Variants in KCNH7 observed in about 807,000 individuals in gnomAD.
The protein encoded by KCNH7 is voltage-gated inwardly rectifying potassium channel KCNH7.
In KCNH7, 49 loss-of-function variants were observed where a neutral mutation model predicts 120.8. The ratio of observed to expected loss-of-function variants is 0.41; its 90% CI spans 0.32 to 0.51. The LOEUF is 0.51. KCNH7 is among the 20% of genes least tolerant of loss of function. KCNH7 has a pLI of 0.38. For missense variants in KCNH7, 1,097 were observed against 1,446.6 expected, an observed-to-expected ratio of 0.76 and a Z score of 3.92; for synonymous variants, 547 against 516.1, an observed-to-expected ratio of 1.06 and a Z score of -0.81.
intron 6 of KCNH7, among the ~76,000 whole-genome samples, chr2:162,493,622 T>C (rs888174840): frequency 3.3e-5 from 5 of 152,204 alleles, no homozygotes; most frequent in African/African-American, 4.8e-5. Flanking sequence ...CTAACTATGC[T>C]GGAGTCAGAT....
At chr2:162,456,391 TC>T (rs1328908018) in intron 6 of KCNH7, among the ~76,000 whole-genome samples, 2 of 152,138 alleles carry the variant, frequency 1.3e-5, no homozygotes, top group African/African-American at 2.4e-5. Context: ...TAATTTCCAT[TC>T]TTTTGCATTT....
chr2:162,588,262 T>C (rs1481248564), intron 2 of KCNH7, among the ~76,000 whole-genome samples: 1 of 152,086 alleles, frequency 6.6e-6, no homozygotes, highest in Non-Finnish European at 1.5e-5. Context: ...AAATCTTTCT[T>C]TGGTTATTTT....
intron 2 of KCNH7, among the ~76,000 whole-genome samples, chr2:162,569,658 T>A (rs1693392218): frequency 6.6e-6 from 1 of 151,636 alleles, no homozygotes; most frequent in African/African-American, 2.4e-5. Flanking sequence ...CTTTCTCTTG[T>A]GGGCATTTAG....
chr2:162,798,699 T>A (rs1434494316), intron 2 of KCNH7, among the ~76,000 whole-genome samples: 1 of 152,094 alleles, frequency 6.6e-6, no homozygotes, highest in African/African-American at 2.4e-5. Flanking sequence ...AAAATGTTTT[T>A]TAAAATATTG....
At chr2:162,607,002 T>A (rs1441300882) in intron 2 of KCNH7, among the ~76,000 whole-genome samples, 1 of 152,094 alleles carries the variant, frequency 6.6e-6, no homozygotes, top group African/African-American at 2.4e-5. Context: ...ACATATTGAC[T>A]TGGACTAATG....
chr2:162,440,349 A>G (rs1688381039), intron 7 of KCNH7, among the ~76,000 whole-genome samples: 1 of 151,950 alleles, frequency 6.6e-6, no homozygotes. Context: ...TTTTGTCAAT[A>G]AATATTTGGG....
chr2:162,373,713 T>G, intron 14 of KCNH7, 51 bp from the exon 15 acceptor site: 1 of 1,294,212 alleles, frequency 7.7e-7, no homozygotes, highest in Non-Finnish European at 1.0e-6. Flanking sequence ...GTCCAGAATT[T>G]CAGGAGCATT....
At chr2:162,564,272 T>A (rs921667452) in intron 2 of KCNH7, among the ~76,000 whole-genome samples, 1 of 127,284 alleles carries the variant, frequency 7.9e-6, no homozygotes, top group East Asian at 2.2e-4. Context: ...ATTTCTTCTG[T>A]CTGATTTATA....
intron 9 of KCNH7, among the ~76,000 whole-genome samples, chr2:162,420,911 G>A (rs547213559): frequency 1.3e-5 from 2 of 152,140 alleles, no homozygotes; most frequent in East Asian, 1.9e-4. Flanking sequence ...GATTTCAAGT[G>A]TGGTTTTGGA....
At chr2:162,552,277 T>C (rs918421568) in intron 2 of KCNH7, among the ~76,000 whole-genome samples, 9 of 152,192 alleles carry the variant, frequency 5.9e-5, no homozygotes, top group African/African-American at 2.2e-4. Flanking sequence ...AGTACTCTGT[T>C]TATTTTACCA....
intron 2 of KCNH7, among the ~76,000 whole-genome samples, chr2:162,588,846 T>C (rs972213289): frequency 9.9e-5 from 15 of 152,068 alleles, no homozygotes; most frequent in African/African-American, 2.9e-4. Context: ...TAGCTGTAAT[T>C]TTGTGTCCTT....
chr2:162,809,348 T>A (rs1368499547), intron 2 of KCNH7, among the ~76,000 whole-genome samples: 2 of 152,190 alleles, frequency 1.3e-5, no homozygotes, highest in Non-Finnish European at 1.5e-5. Flanking sequence ...TGATGTGAAT[T>A]TATGAAGAAT....
chr2:162,783,685 A>G (rs1683591627), intron 2 of KCNH7, among the ~76,000 whole-genome samples: 4 of 152,238 alleles, frequency 2.6e-5, no homozygotes, highest in Admixed American at 1.3e-4. Flanking sequence ...ATGTGAGACT[A>G]GACTGATTAA....
intron 6 of KCNH7, among the ~76,000 whole-genome samples, chr2:162,477,908 G>C (rs1230275775): frequency 2.0e-5 from 3 of 151,808 alleles, no homozygotes; most frequent in African/African-American, 7.2e-5. Flanking sequence ...AAAACTATGA[G>C]AAACAAAAAA....
At chr2:162,414,191 G>T (rs1687475183) in intron 9 of KCNH7, among the ~76,000 whole-genome samples, 1 of 151,834 alleles carries the variant, frequency 6.6e-6, no homozygotes. Context: ...AAGCATTTTT[G>T]GAATGTAATC....
At chr2:162,685,954 ATC>A (rs1685875770) in intron 2 of KCNH7, among the ~76,000 whole-genome samples, 1 of 152,120 alleles carries the variant, frequency 6.6e-6, no homozygotes. Context: ...TAAAATAGAT[ATC>A]TCACCCTAAA....
Position 162,394,389 on chromosome 2 carries a change from C to G in KCNH7, c.2710G>C (p.Glu904Gln). The G allele has an allele frequency of 6.6e-7, 1 of 1,513,618 alleles. No individual in the cohort carries two copies. The highest frequency in any genetic ancestry group is 1.7e-5 in the Admixed American group (1 of 59,334). The allele number at this position is 1,513,618 out of a possible 1,614,324, so 93.8% of individuals were successfully genotyped here. A position where few individuals can be genotyped will look rare whatever the true frequency, so the allele number is the denominator to read the frequency against. The change falls in exon 12 of 16, where the codon GAA becomes CAA. Residue 904 changes from glutamate to glutamine, a missense_variant and splice_region_variant. This residue lies in a region of KCNH7 where 406 missense variants were observed against 410.5 expected (regional missense o/e 0.99). Transcript: ENST00000332142. ...AAACTTTAGGAATGGAATGAATTAC[C>G]TTTCTCTCCTTCACTTTCAAATGAC... is the stretch of plus-strand genomic sequence containing the variant. ...KLSFESEGEK[E>Q]NSTNDPEDSA...
chr2:162,593,824 T>G (rs1348784055), intron 2 of KCNH7, among the ~76,000 whole-genome samples: 1 of 152,040 alleles, frequency 6.6e-6, no homozygotes, highest in Non-Finnish European at 1.5e-5. Flanking sequence ...GAAAAAATTT[T>G]GAAACTTTTT....
chr2:162,388,232 T>TA (rs557983563), intron 12 of KCNH7, among the ~76,000 whole-genome samples: 74 of 151,850 alleles, frequency 4.9e-4, no homozygotes, highest in Admixed American at 1.2e-3. Flanking sequence ...GGTTTAAAGG[T>TA]AAAAAGTTTC....
Sources: allele counts gnomAD v4.1 joint callset (sites outside exome capture counted in the v4.1 genomes callset), GRCh38; gene constraint gnomAD v4.1.1; regional missense constraint gnomAD v4.1.1; transcripts MANE v1.5; gene names NCBI Gene and HGNC (gene_info 2026-07-23, HGNC 2026-07-21).